Variants in ANKRD30BL observed in about 807,000 individuals in gnomAD.
ANKRD30BL encodes ankyrin repeat domain 30B like.
Under a neutral mutation model 18.4 loss-of-function variants are expected in ANKRD30BL, and 20 were observed. That is an observed-to-expected ratio of 1.09 (90% confidence interval 0.77 to 1.58). ANKRD30BL has a LOEUF of 1.58. Among genes scored for constraint, ANKRD30BL ranks in the 40% most tolerant of loss-of-function variants. The probability of loss-of-function intolerance (pLI) is 0.00; values close to 1 mark genes in which losing one functional copy is unlikely to be tolerated. For synonymous variants in ANKRD30BL, 72 were observed against 100.9 expected, an observed-to-expected ratio of 0.71 and a Z score of 1.72; for missense variants, 224 against 268.6, an observed-to-expected ratio of 0.83 and a Z score of 1.16.
At chr2:132,246,148 A>AG (rs1680493072) in intron 1 of ANKRD30BL, among the ~76,000 whole-genome samples, 3 of 152,114 alleles carry the variant, frequency 2.0e-5, no homozygotes, top group Admixed American at 2.0e-4. Context: ...ACTACACAGA[A>AG]GCATTCTCCG....
At chr2:132,250,763 T>G (rs1329913476) in intron 1 of ANKRD30BL, among the ~76,000 whole-genome samples, 2 of 152,244 alleles carry the variant, frequency 1.3e-5, no homozygotes, top group Non-Finnish European at 2.9e-5. Context: ...TTCTGATTCC[T>G]TATTTTTTCT....
chr2:132,230,286 A>T (rs113212773), intron 1 of ANKRD30BL, among the ~76,000 whole-genome samples: 1 of 151,934 alleles, frequency 6.6e-6, no homozygotes, highest in African/African-American at 2.4e-5. Flanking sequence ...TGAGGCCTTC[A>T]TTGGAAACGG....
intron 1 of ANKRD30BL, among the ~76,000 whole-genome samples, chr2:132,223,839 T>A (rs1043695671): frequency 3.5e-4 from 54 of 152,210 alleles, no homozygotes; most frequent in Non-Finnish European, 8.8e-5. Flanking sequence ...TCATTTGCTA[T>A]GTTTGCCTTC....
intron 1 of ANKRD30BL, among the ~76,000 whole-genome samples, chr2:132,238,181 C>T (rs1267752599): frequency 2.0e-5 from 3 of 151,580 alleles, no homozygotes; most frequent in Non-Finnish European, 4.4e-5. Context: ...TTGCGATGTG[C>T]GTACTCAACT....
At chr2:132,243,283 C>A (rs191258337) in intron 1 of ANKRD30BL, among the ~76,000 whole-genome samples, 3 of 151,674 alleles carry the variant, frequency 2.0e-5, no homozygotes, top group African/African-American at 7.2e-5. Context: ...GTACTCAACT[C>A]ACAGAGTTAA....
intron 1 of ANKRD30BL, among the ~76,000 whole-genome samples, chr2:132,182,192 A>G (rs1323187717): frequency 6.6e-6 from 1 of 152,028 alleles, no homozygotes; most frequent in African/African-American, 2.4e-5. Context: ...AGTTACAAAG[A>G]AAATTTGTAG....
chr2:132,202,412 T>C (rs1417683084), intron 1 of ANKRD30BL, among the ~76,000 whole-genome samples: 2 of 140,666 alleles, frequency 1.4e-5, no homozygotes, highest in African/African-American at 3.2e-5. Context: ...TTGTGACTCA[T>C]AAAGACACTT....
At chr2:132,198,320 C>CTT (rs1235302815) in intron 1 of ANKRD30BL, among the ~76,000 whole-genome samples, 14 of 10,584 alleles carry the variant, frequency 1.3e-3, no homozygotes, top group African/African-American at 2.6e-3. Flanking sequence ...TTCTTTCTTT[C>CTT]TTTCTTTTTT....
chr2:132,254,064 G>A (rs796808240), intron 1 of ANKRD30BL, among the ~76,000 whole-genome samples: 16 of 148,704 alleles, frequency 1.1e-4, no homozygotes, highest in African/African-American at 3.8e-4. Context: ...CCACCCCCGC[G>A]CCCACCGACA....
At chr2:132,240,110 T>C (rs1460353931) in intron 1 of ANKRD30BL, among the ~76,000 whole-genome samples, 1 of 151,186 alleles carries the variant, frequency 6.6e-6, no homozygotes, top group East Asian at 2.0e-4. Context: ...CAAGTGGACA[T>C]TTTGTGCGAT....
chr2:132,252,291 C>T (rs796795061), intron 1 of ANKRD30BL, among the ~76,000 whole-genome samples: 5 of 152,228 alleles, frequency 3.3e-5, no homozygotes. Context: ...TGCCTACATA[C>T]TAAACGGAGG....
intron 1 of ANKRD30BL, among the ~76,000 whole-genome samples, chr2:132,216,397 GTGA>G (rs1679498652): frequency 6.6e-6 from 1 of 151,862 alleles, no homozygotes; most frequent in Non-Finnish European, 1.5e-5. Context: ...AAACTTCTTT[GTGA>G]TGTTTTCATT....
chr2:132,221,076 C>A (rs1679662444), intron 1 of ANKRD30BL, among the ~76,000 whole-genome samples: 3 of 146,788 alleles, frequency 2.0e-5, no homozygotes, highest in Non-Finnish European at 3.0e-5. Context: ...TGAGGAAACC[C>A]TCTGCCTGGC....
intron 1 of ANKRD30BL, among the ~76,000 whole-genome samples, chr2:132,210,219 A>T (rs930867916): frequency 2.6e-5 from 4 of 151,890 alleles, no homozygotes; most frequent in Non-Finnish European, 4.4e-5. Context: ...ACTAGACAGA[A>T]GCCTTCTGAG....
At chr2:132,251,879 G>A (rs951950819) in intron 1 of ANKRD30BL, among the ~76,000 whole-genome samples, 8 of 152,204 alleles carry the variant, frequency 5.3e-5, no homozygotes, top group African/African-American at 1.2e-4. Context: ...TTAATGTGAC[G>A]CCTGGACCAC....
At chr2:132,233,926 A>G (rs1680085126) in intron 1 of ANKRD30BL, among the ~76,000 whole-genome samples, 1 of 152,166 alleles carries the variant, frequency 6.6e-6, no homozygotes, top group African/African-American at 2.4e-5. Context: ...AATTGACCAC[A>G]CAGTTGGAAG....
intron 1 of ANKRD30BL, among the ~76,000 whole-genome samples, chr2:132,242,351 G>A (rs1309847398): frequency 1.1e-4 from 17 of 151,252 alleles, no homozygotes; most frequent in South Asian, 6.3e-4. Context: ...TGAGGATATC[G>A]TTGGAAACGG....
At chr2:132,181,972 G>A (rs1269842333) in intron 1 of ANKRD30BL, among the ~76,000 whole-genome samples, 5 of 152,020 alleles carry the variant, frequency 3.3e-5, no homozygotes, top group Non-Finnish European at 5.9e-5. Flanking sequence ...TTAGCCGGGC[G>A]TGGTGGTGCA....
chr2:132,148,579 A>G (rs1422123581), intron 5 of ANKRD30BL, among the ~76,000 whole-genome samples: 2 of 151,664 alleles, frequency 1.3e-5, no homozygotes, highest in Non-Finnish European at 2.9e-5. Flanking sequence ...CATGTTAGTC[A>G]GGGTGGTCCC....
Sources: gnomAD v4.1 joint callset for allele counts (sites outside exome capture counted in the v4.1 genomes callset) on GRCh38, gnomAD v4.1.1 for gene constraint, MANE v1.5 for transcripts, NCBI Gene and HGNC (gene_info 2026-07-23, HGNC 2026-07-21) for gene names.